The following NOS3 variants were observed in gnomAD, a reference collection of about 807,000 sequenced individuals.
NOS3 encodes nitric oxide synthase 3.
A neutral mutation model predicts 144.9 loss-of-function variants in NOS3; 98 were observed. That is an observed-to-expected ratio of 0.68 (90% confidence interval 0.57 to 0.80). The LOEUF (loss-of-function observed/expected upper bound fraction) is 0.80, where lower values mean the gene tolerates loss of function less well. Ranked by LOEUF, NOS3 falls within the 30% of genes least tolerant of loss-of-function variation. NOS3 has a pLI of 0.00. For missense variants in NOS3, 1,465 were observed against 1,656.4 expected (o/e 0.88, Z 2.01); for synonymous variants, 714 against 702.4 (o/e 1.02, Z -0.26).
At chr7:151,000,143 AG>A (rs1042771354) in intron 9 of NOS3, among the ~76,000 whole-genome samples, 1 of 61,622 alleles carries the variant, frequency 1.6e-5, no homozygotes, top group South Asian at 5.5e-4. Flanking sequence ...TGGGTGGGTG[AG>A]GGGGGCATGG....
chr7:151,004,152 C>T (rs1218302066), intron 14 of NOS3, among the ~76,000 whole-genome samples: 1 of 152,222 alleles, frequency 6.6e-6, no homozygotes, highest in Non-Finnish European at 1.5e-5. Flanking sequence ...GCCTGGCCAA[C>T]ATGGCAAAAC....
chr7:151,008,663 T>C (rs750078735), intron 17 of NOS3, among the ~76,000 whole-genome samples: 2 of 152,208 alleles, frequency 1.3e-5, no homozygotes, highest in South Asian at 2.1e-4. Flanking sequence ...TGCCAAGCAC[T>C]ATGCTTCTCG....
intron 5 of NOS3, among the ~76,000 whole-genome samples, chr7:150,997,473 C>T (rs553333384): frequency 6.6e-6 from 1 of 152,222 alleles, no homozygotes; most frequent in South Asian, 2.1e-4. Context: ...TGCTTCGGCC[C>T]GCACCCTCCC....
chr7:151,012,974 A>C (rs943687576), intron 24 of NOS3: 1 of 517,296 alleles, frequency 1.9e-6, no homozygotes, highest in Non-Finnish European at 3.4e-6. Flanking sequence ...TGGAATTCTG[A>C]GTCCGAAGCC....
At chr7:150,992,678 A>C (rs1802278650) in intron 1 of NOS3, among the ~76,000 whole-genome samples, 1 of 148,132 alleles carries the variant, frequency 6.8e-6, no homozygotes, top group Non-Finnish European at 1.5e-5. Context: ...TGGCCAACAC[A>C]AATCCTCTTG....
At chr7:151,007,613 G>A (rs1246900949) in intron 17 of NOS3, among the ~76,000 whole-genome samples, 1 of 152,224 alleles carries the variant, frequency 6.6e-6, no homozygotes, top group East Asian at 1.9e-4. Flanking sequence ...ACCCAGGATG[G>A]GCAGGATGGA....
intron 23 of NOS3, chr7:151,011,816 G>A (rs943583421): frequency 2.0e-5 from 9 of 442,668 alleles, no homozygotes; most frequent in Middle Eastern, 3.6e-4. Flanking sequence ...GAGCCACCGC[G>A]CCCGGACCGA....
Position 150,993,748 on chromosome 7 carries a change from C to T in NOS3, c.-51-5C>T, listed in dbSNP as rs1802305214. 2.6e-6 allele frequency: 4 copies of T among 1,551,542 alleles called. No homozygotes were observed. The East Asian group carries it at 9.1e-5, about 35-fold the overall frequency. On this transcript the variant is annotated splice_region_variant and splice_polypyrimidine_tract_variant and intron_variant, in intron 1 of 26. Coordinates refer to ENST00000297494, the MANE Select transcript of NOS3 (RefSeq NM_000603.5). The surrounding 1 kb of genome is among the most constrained non-coding windows in gnomAD (Gnocchi z 4.0). Reference sequence around the variant, plus strand: ...CCTCCTCTCGGTCCCCTCCCTCTTCCTAAGGAAAAGGCCAGGGCTCTGCTG... The same window carrying T: ...CCTCCTCTCGGTCCCCTCCCTCTTCTTAAGGAAAAGGCCAGGGCTCTGCTG...
Position 150,993,440 on chromosome 7 carries a change from C to T in NOS3, c.-51-313C>T, listed in dbSNP as rs1024744951. 2.0e-5 allele frequency among the ~76,000 whole-genome samples: 3 copies of T among 152,292 alleles called. No homozygotes were observed. In the South Asian group the frequency reaches 6.2e-4, roughly 32 times the overall value. On this transcript the variant is annotated intron_variant, in intron 1 of 26. Transcript: ENST00000297494. This position sits in a 1 kb window ranked among gnomAD's most constrained non-coding sequence, Gnocchi z 4.0. ...GGCCGAAGGCCCTTCCGTCTGGTGC[C>T]ACATCACAGAAGGACCTTTATGACC...
At chr7:151,013,490 A>C in intron 25 of NOS3, 111 bp downstream of exon 25, 1 of 1,367,154 alleles carries the variant, frequency 7.3e-7, no homozygotes. Context: ...TCCCACGACC[A>C]CTCAGCCACC....
chr7:151,010,361 C>A (rs1288494114), intron 21 of NOS3, 74 bp downstream of exon 21: 2 of 1,421,836 alleles, frequency 1.4e-6, no homozygotes, highest in Non-Finnish European at 1.9e-6. Flanking sequence ...TGGCAGGAAA[C>A]CCCCATGCAA....
chr7:151,001,999 AAG>A, intron 13 of NOS3, 34 bp downstream of exon 13: 1 of 1,610,686 alleles, frequency 6.2e-7, no homozygotes, highest in Non-Finnish European at 8.5e-7. Context: ...GGGAGCTAGA[AAG>A]AGGGGGCTCT....
At chr7:150,995,380 G>C in intron 3 of NOS3, 66 bp downstream of exon 3, 2 of 1,086,414 alleles carry the variant, frequency 1.8e-6, no homozygotes, top group South Asian at 2.7e-5. Context: ...GGCCTCAGAT[G>C]GGGCCGGAGA....
Position 151,013,325 on chromosome 7 carries a change from C to G in NOS3, c.3201C>G (p.Arg1067=), listed in dbSNP as rs775282859. 6.2e-7 allele frequency: 1 copy of G among 1,613,924 alleles called. No individual in the cohort carries two copies. Among genetic ancestry groups the G allele is most frequent in the Non-Finnish European group, 8.5e-7 (1 of 1,180,018 alleles). The change falls in exon 25 of 27, where the codon CGC becomes CGG. Residue 1067 remains arginine (R), a synonymous_variant. Coordinates refer to ENST00000297494, the MANE Select transcript of NOS3 (RefSeq NM_000603.5). ...YRDEVQNAQQ[R]GVFGRVLTAF... ...ACGAGGTGCAGAACGCCCAGCAGCG[C>G]GGGGTGTTTGGCCGAGTCCTCACCG... is the stretch of plus-strand genomic sequence containing the variant.
chr7:151,009,223 G>C lies in NOS3; in HGVS notation c.2280G>C (p.Gln760His). The C allele has an allele frequency of 6.2e-7, 1 of 1,613,894 alleles. No homozygotes were observed. Among genetic ancestry groups the C allele is most frequent in the South Asian group, 1.1e-5 (1 of 91,084 alleles). Residue 760 changes from glutamine (Q) to histidine (H), a missense_variant, in exon 19 of 27, where the codon CAG becomes CAC. Coordinates refer to ENST00000297494, the MANE Select transcript of NOS3 (RefSeq NM_000603.5). ...ACGTGCACAGGCGGAAGATGTTCCA[G>C]GCTACAATCCGCTCAGTGGAAAACC... is the stretch of plus-strand genomic sequence containing the variant. ...LIHVHRRKMF[Q>H]ATIRSVENLQ...
chr7:150,992,032 G>A (rs568944546), intron 1 of NOS3, among the ~76,000 whole-genome samples: 79 of 151,922 alleles, frequency 5.2e-4, no homozygotes, highest in Admixed American at 9.8e-4. Context: ...GTGGTGGTGG[G>A]TGCCTGTCGT....
At position 151,006,452 on chromosome 7, in the gene NOS3, T is replaced by C. The variant is rs1324574005; in HGVS notation, c.1778T>C (p.Met593Thr). ...AGCTTTGCAGCTGCCCTGATGGAGA[T>C]GTCCGGCCCCTACAACAGCTCCCCT... Reference protein sequence around the residue: ...GESFAAALMEMSGPYNSSPRP... With the variant: ...GESFAAALMETSGPYNSSPRP... The change falls in exon 15 of 27, where the codon ATG becomes ACG. Residue 593 changes from methionine to threonine, a missense_variant. Physicochemically the swap from Met to Thr is moderately conservative, Grantham distance 81. This residue lies in a region of NOS3 where 745 missense variants were observed against 853.9 expected (regional missense o/e 0.87). Transcript: ENST00000297494. 6.2e-7 allele frequency: 1 copy of C among 1,613,976 alleles called. No individual in the cohort carries two copies. The highest frequency in any genetic ancestry group is 1.1e-5 in the South Asian group (1 of 91,082).
At chr7:151,012,696 G>A (rs1415398215) in intron 24 of NOS3, 2 of 500,712 alleles carry the variant, frequency 4.0e-6, no homozygotes, top group Non-Finnish European at 7.2e-6. Context: ...TGACTGGATT[G>A]AGGACAAAGG....
chr7:150,998,774 G>T lies in NOS3; in HGVS notation c.816+94G>T. ...TCGGGGGATCCAGGCAGGAAGAGGG[G>T]AGCCTCGGTGAGATAAAGGATGAAA... On this transcript the variant is annotated intron_variant, in intron 7 of 26. Coordinates refer to ENST00000297494, the MANE Select transcript of NOS3 (RefSeq NM_000603.5). The surrounding 1 kb of genome is among the most constrained non-coding windows in gnomAD (Gnocchi z 5.0). 6.7e-7 allele frequency: 1 copy of T among 1,496,692 alleles called. No individual in the cohort carries two copies. Among genetic ancestry groups the T allele is most frequent in the Non-Finnish European group, 9.0e-7 (1 of 1,108,686 alleles). 92.7% of individuals were successfully genotyped at this position (1,496,692 alleles called of 1,614,324 possible).
Sources: gnomAD v4.1 joint callset for allele counts (sites outside exome capture counted in the v4.1 genomes callset) on GRCh38, gnomAD v4.1.1 for gene constraint, gnomAD v4.1.1 regional missense constraint, Gnocchi (gnomAD v3.1) non-coding constraint, MANE v1.5 for transcripts, NCBI Gene and HGNC (gene_info 2026-07-23, HGNC 2026-07-21) for gene names.